Variants in SUPT3H observed in about 807,000 individuals in gnomAD.
The protein encoded by SUPT3H is SPT3 homolog, SAGA and STAGA complex component.
SUPT3H carries 44 observed loss-of-function variants against 44.3 expected under a neutral mutation model. The observed-to-expected ratio is 0.99, with a 90% CI of 0.78 to 1.28. The LOEUF is 1.28. SUPT3H is among the 50% of genes most tolerant of loss of function. SUPT3H has a pLI of 0.00. For synonymous variants in SUPT3H, 124 were observed against 125.6 expected, an observed-to-expected ratio of 0.99 and a Z score of 0.09; for missense variants, 380 against 387.1, an observed-to-expected ratio of 0.98 and a Z score of 0.15.
chr6:45,135,057 T>C (rs998276801), intron 2 of SUPT3H, among the ~76,000 whole-genome samples: 2 of 152,186 alleles, frequency 1.3e-5, no homozygotes, highest in Non-Finnish European at 2.9e-5. Flanking sequence ...TCAGGAGTAG[T>C]GGCATAATCA....
chr6:45,328,940 T>A (rs1398570511), intron 2 of SUPT3H, among the ~76,000 whole-genome samples: 1 of 152,034 alleles, frequency 6.6e-6, no homozygotes, highest in Non-Finnish European at 1.5e-5. Flanking sequence ...AATTTCTGTA[T>A]ATATTTGCAT....
At chr6:45,213,491 C>A (rs375821249) in intron 2 of SUPT3H, among the ~76,000 whole-genome samples, 2 of 151,984 alleles carry the variant, frequency 1.3e-5, no homozygotes, top group African/African-American at 4.8e-5. Context: ...ACCTATTATT[C>A]TTCATTGGCA....
intron 2 of SUPT3H, among the ~76,000 whole-genome samples, chr6:45,243,197 C>CAAAAAA (rs61643038): frequency 0.011 from 788 of 72,494 alleles, 139 homozygotes; most frequent in African/African-American, 0.039. Context: ...GACTCCTTCT[C>CAAAAAA]AAAAAAAAAA....
intron 2 of SUPT3H, among the ~76,000 whole-genome samples, chr6:45,183,517 A>G (rs964239449): frequency 1.3e-5 from 2 of 152,220 alleles, no homozygotes; most frequent in Admixed American, 1.3e-4. Context: ...AAGAGAGAAG[A>G]AAAAGGTCCC....
intron 2 of SUPT3H, among the ~76,000 whole-genome samples, chr6:45,138,910 A>C (rs1434338075): frequency 1.3e-5 from 2 of 152,224 alleles, no homozygotes; most frequent in African/African-American, 4.8e-5. Context: ...ACAATAATGC[A>C]CTTGTATTAT....
At chr6:44,973,814 T>C (rs1356386185) in intron 6 of SUPT3H, among the ~76,000 whole-genome samples, 2 of 152,126 alleles carry the variant, frequency 1.3e-5, no homozygotes, top group African/African-American at 4.8e-5. Context: ...CTTCACATGG[T>C]GGCAGCAAAG....
chr6:45,323,152 C>T (rs1785784876), intron 2 of SUPT3H, among the ~76,000 whole-genome samples: 1 of 152,120 alleles, frequency 6.6e-6, no homozygotes, highest in Non-Finnish European at 1.5e-5. Flanking sequence ...CACTAACTTA[C>T]AATCTTCTCT....
chr6:45,056,398 C>G (rs1052468446), intron 3 of SUPT3H, among the ~76,000 whole-genome samples: 1 of 152,136 alleles, frequency 6.6e-6, no homozygotes, highest in East Asian at 1.9e-4. Flanking sequence ...TATAGCAGCA[C>G]AATTCACAAT....
intron 2 of SUPT3H, among the ~76,000 whole-genome samples, chr6:45,321,288 T>C (rs570698138): frequency 1.9e-4 from 29 of 152,278 alleles, no homozygotes; most frequent in Non-Finnish European, 3.5e-4. Context: ...TGAATTTTCC[T>C]CAAGTATGAT....
intron 2 of SUPT3H, among the ~76,000 whole-genome samples, chr6:45,325,975 T>A (rs772028059): frequency 2.6e-5 from 4 of 151,942 alleles, no homozygotes; most frequent in African/African-American, 9.7e-5. Flanking sequence ...TAGAATTTGA[T>A]AGGCCTCACA....
chr6:45,136,031 A>C (rs1804221109), intron 2 of SUPT3H, among the ~76,000 whole-genome samples: 1 of 152,228 alleles, frequency 6.6e-6, no homozygotes, highest in Non-Finnish European at 1.5e-5. Flanking sequence ...GAGCTCACTC[A>C]CAGAAGACAC....
chr6:45,309,538 G>C (rs1208749095), intron 2 of SUPT3H, among the ~76,000 whole-genome samples: 1 of 151,726 alleles, frequency 6.6e-6, no homozygotes, highest in Non-Finnish European at 1.5e-5. Context: ...TCGGTCATAG[G>C]AGTTCAAGAA....
intron 3 of SUPT3H, among the ~76,000 whole-genome samples, chr6:45,055,533 C>A (rs1482868126): frequency 6.6e-6 from 1 of 152,156 alleles, no homozygotes; most frequent in African/African-American, 2.4e-5. Context: ...ATACAGCCAA[C>A]TGATCTTCGA....
intron 2 of SUPT3H, among the ~76,000 whole-genome samples, chr6:45,201,881 G>T (rs1762505318): frequency 6.6e-6 from 1 of 151,754 alleles, no homozygotes; most frequent in South Asian, 2.1e-4. Flanking sequence ...AATATTAACA[G>T]TTTTATATTG....
At chr6:45,027,065 C>CT (rs1786140999) in intron 3 of SUPT3H, among the ~76,000 whole-genome samples, 2 of 144,870 alleles carry the variant, frequency 1.4e-5, no homozygotes, top group Non-Finnish European at 3.0e-5. Context: ...TCACAGCTCA[C>CT]TGCAGCCTCA....
chr6:44,949,653 T>C lies in SUPT3H; in HGVS notation c.801+3657A>G, dbSNP rs1157581641. On this transcript the variant is annotated intron_variant, in intron 9 of 10. Coordinates refer to ENST00000371459, the MANE Select transcript of SUPT3H (RefSeq NM_003599.4). ...GGCAAAGGATTTGAAGAGACACTTC[T>C]CAGAGTAAGATACATAAATGGCCAA... 2.0e-5 allele frequency among the ~76,000 whole-genome samples: 3 copies of C among 149,840 alleles called. No individual in the cohort carries two copies. The East Asian group carries it at 5.8e-4, about 29-fold the overall frequency.
At chr6:44,938,451 GTAC>G (rs1582624277) in intron 9 of SUPT3H, among the ~76,000 whole-genome samples, 1 of 152,094 alleles carries the variant, frequency 6.6e-6, no homozygotes, top group Non-Finnish European at 1.5e-5. Flanking sequence ...TTTTATATCA[GTAC>G]CATGCTGTTT....
intron 10 of SUPT3H, among the ~76,000 whole-genome samples, chr6:44,873,545 C>T (rs1776788093): frequency 2.0e-5 from 1 of 50,772 alleles, no homozygotes; most frequent in Non-Finnish European, 4.2e-5. Context: ...CAAGAGAAAG[C>T]AGGAAAGATC....
chr6:44,965,990 C>G (rs985741935), intron 6 of SUPT3H, among the ~76,000 whole-genome samples: 1 of 152,078 alleles, frequency 6.6e-6, no homozygotes, highest in South Asian at 2.1e-4. Context: ...GGCCTAAGAC[C>G]AGAAACTGTA....
Sources: gnomAD v4.1 joint callset for allele counts (sites outside exome capture counted in the v4.1 genomes callset) on GRCh38, gnomAD v4.1.1 for gene constraint, MANE v1.5 for transcripts, NCBI Gene and HGNC (gene_info 2026-07-23, HGNC 2026-07-21) for gene names.